The following ZNF251 variants were observed in gnomAD, a reference collection of about 807,000 sequenced individuals.
ZNF251 encodes the protein zinc finger protein 251.
Under a neutral mutation model 13.5 loss-of-function variants are expected in ZNF251, and 14 were observed. The ratio of observed to expected loss-of-function variants is 1.04; its 90% CI spans 0.69 to 1.63. ZNF251 has a LOEUF of 1.63. ZNF251 is among the 40% of genes most tolerant of loss of function. The pLI is 0.00. For synonymous variants in ZNF251, 287 were observed against 295.2 expected, an observed-to-expected ratio of 0.97 and a Z score of 0.28; for missense variants, 764 against 834.9, an observed-to-expected ratio of 0.92 and a Z score of 1.05.
chr8:144,722,174 T>A lies in ZNF251; in HGVS notation c.1486A>T (p.Lys496Ter), dbSNP rs1278558018. 5 of 1,614,188 alleles carry A rather than the reference T, an allele frequency of 3.1e-6. No individual in the cohort carries two copies. In the South Asian group the frequency reaches 5.5e-5, roughly 18 times the overall value. The change falls in exon 5 of 5, where the codon AAG becomes TAG. Residue 496 changes from lysine (K) to a stop codon, truncating the protein, a stop_gained. Coordinates refer to ENST00000292562, the MANE Select transcript of ZNF251 (RefSeq NM_138367.2). LOFTEE classifies it low-confidence loss of function (END_TRUNC). This position sits in a 1 kb window ranked among gnomAD's most constrained non-coding sequence, Gnocchi z 4.8. ...AGGGTTGACCTCCGGCTGAAGGCCT[T>A]CCCACAGTCACCACAGTCATAGGGC... ...EKPYDCGDCG[K>*]AFSRRSTLIQ...
intron 4 of ZNF251, among the ~76,000 whole-genome samples, chr8:144,726,094 G>A (rs1167800406): frequency 6.7e-6 from 1 of 149,234 alleles, no homozygotes; most frequent in Non-Finnish European, 1.5e-5. Flanking sequence ...CTACTCGGGA[G>A]TCTGAGACAG....
chr8:144,729,198 G>C (rs909104551), intron 4 of ZNF251, among the ~76,000 whole-genome samples: 13 of 151,462 alleles, frequency 8.6e-5, no homozygotes, highest in Non-Finnish European at 1.3e-4. Context: ...AAAAATACGA[G>C]TTTACTCCTA....
chr8:144,732,389 C>G (rs1261431213), intron 4 of ZNF251, among the ~76,000 whole-genome samples: 6 of 152,156 alleles, frequency 3.9e-5, no homozygotes, highest in Admixed American at 1.3e-4. Flanking sequence ...AAAGCTCTTC[C>G]AAATTTGATG....
At chr8:144,741,092 G>A (rs998309348) in intron 4 of ZNF251, among the ~76,000 whole-genome samples, 4 of 152,212 alleles carry the variant, frequency 2.6e-5, no homozygotes, top group African/African-American at 9.6e-5. Flanking sequence ...CCCAGTAGCC[G>A]GAAGGAGCCA....
At chr8:144,733,496 T>C (rs1320913836) in intron 4 of ZNF251, among the ~76,000 whole-genome samples, 2 of 152,290 alleles carry the variant, frequency 1.3e-5, no homozygotes, top group East Asian at 1.9e-4. Flanking sequence ...AACCCCTCCC[T>C]CTTGGTCCCT....
intron 4 of ZNF251, among the ~76,000 whole-genome samples, chr8:144,752,669 A>G (rs1824751892): frequency 6.6e-6 from 1 of 152,234 alleles, no homozygotes; most frequent in South Asian, 2.1e-4. Flanking sequence ...TGAATAAACT[A>G]GAAGACAAGC....
At chr8:144,732,619 T>A (rs558923102) in intron 4 of ZNF251, among the ~76,000 whole-genome samples, 2 of 151,022 alleles carry the variant, frequency 1.3e-5, no homozygotes, top group Non-Finnish European at 2.9e-5. Flanking sequence ...GAGACCATCC[T>A]GGCCAACACG....
chr8:144,741,826 T>G (rs1194304094), intron 4 of ZNF251, among the ~76,000 whole-genome samples: 1 of 152,178 alleles, frequency 6.6e-6, no homozygotes, highest in Non-Finnish European at 1.5e-5. Flanking sequence ...AAAAATATTT[T>G]AAAAATAATA....
At chr8:144,728,220 G>A (rs1162253117) in intron 4 of ZNF251, among the ~76,000 whole-genome samples, 1 of 152,138 alleles carries the variant, frequency 6.6e-6, no homozygotes, top group Non-Finnish European at 1.5e-5. Flanking sequence ...GAGAGAGGGA[G>A]GTAGGGAATG....
At chr8:144,736,075 G>A (rs977226886) in intron 4 of ZNF251, among the ~76,000 whole-genome samples, 2 of 152,200 alleles carry the variant, frequency 1.3e-5, no homozygotes, top group East Asian at 1.9e-4. Context: ...CTGGGCGGCT[G>A]TGCCCAACGC....
In ZNF251 at chr8:144,755,375, G is replaced by T. The variant is rs185744650; in HGVS notation, c.-76+30C>A. ...CCCTCCCCGCCTGCCTGCCCGCTTG[G>T]CGCTCCTTCCTGGTCCGACACTGCC... On this transcript the variant is annotated intron_variant, in intron 1 of 4. Transcript: ENST00000292562. 1.8e-3 allele frequency: 2,338 copies of T among 1,287,092 alleles called. 39 individuals carry two copies. In the African/African-American group the frequency reaches 0.031, roughly 17 times the overall value. The allele number at this position is 1,287,092 out of a possible 1,614,324, so 79.7% of individuals were successfully genotyped here.
At position 144,753,753 on chromosome 8, in the gene ZNF251, C is replaced by T. The variant is rs35571769; in HGVS notation, c.207G>A (p.Gln69=). ...GATTCAGGACCCAAAGTTCCTTCCC[C>T]TGCTCCAGCTGGGAGATCAACTCCG... The part of the protein sequence containing the change: ...PKPELISQLE[Q]GKELWVLNLL... The change falls in exon 4 of 5, where the codon CAG becomes CAA. Residue 69 remains glutamine (Q), a synonymous_variant. Transcript: ENST00000292562. The T allele has an allele frequency of 0.07, 112,090 of 1,596,426 alleles. 4,650 individuals are homozygous for T. The highest frequency in any genetic ancestry group is 0.076 in the Non-Finnish European group (88,664 of 1,170,836).
In ZNF251 at chr8:144,742,410, C is replaced by CT. The variant is rs546010882; in HGVS notation, c.277+11272dup. 1.8e-3 allele frequency among the ~76,000 whole-genome samples: 278 copies of CT among 152,004 alleles called. 1 individual carries two copies. The highest frequency in any genetic ancestry group is 5.1e-3 in the African/African-American group (212 of 41,464). ...GAAACATGAGATTTTTTTGAAAATA[C>CT]TTTATTTTTAGAGCATTTCACAGCA... On this transcript the variant is annotated intron_variant, in intron 4 of 4. Transcript: ENST00000292562.
rs746540461 is a variant in ZNF251, at chr8:144,754,785, G to A, written c.-57C>T. On this transcript the variant is annotated 5_prime_UTR_variant, in exon 2 of 5. Coordinates refer to ENST00000292562, the MANE Select transcript of ZNF251 (RefSeq NM_138367.2). ...AGAAGACAGGAGACTGCCCTGGCCT[G>A]AAGTCTCCCCGAACTTACCTTCAGT... 12 of 1,594,500 alleles carry A rather than the reference G, an allele frequency of 7.5e-6. No homozygotes were observed. The East Asian group carries it at 1.4e-4, about 18-fold the overall frequency.
chr8:144,732,152 A>G (rs1391314610), intron 4 of ZNF251, among the ~76,000 whole-genome samples: 1 of 151,898 alleles, frequency 6.6e-6, no homozygotes, highest in East Asian at 1.9e-4. Flanking sequence ...CATGTTGGCC[A>G]GGCTTGTGTC....
chr8:144,725,698 A>G (rs942576967), intron 4 of ZNF251, among the ~76,000 whole-genome samples: 5 of 152,230 alleles, frequency 3.3e-5, no homozygotes, highest in Admixed American at 2.6e-4. Context: ...TCCAGAAAAC[A>G]GAGACATGCT....
rs35171055 is a variant in ZNF251 at position 144,746,766 on chromosome 8, C to CT, written c.277+6916dup. Reference sequence around the variant, plus strand: ...CAAATTTGGGCACAGAGTTGTTCATCTTTTTTTTTTTATTACCCTTTAAAA... The same window carrying CT: ...CAAATTTGGGCACAGAGTTGTTCATCTTTTTTTTTTTTATTACCCTTTAAAA... On this transcript the variant is annotated intron_variant, in intron 4 of 4. Transcript: ENST00000292562. Among the ~76,000 whole-genome samples the CT allele has an allele frequency of 1.0e-3, 147 of 146,716 alleles. 2 individuals are homozygous for CT. Among genetic ancestry groups the CT allele is most frequent in the Admixed American group, 5.7e-3 (84 of 14,746 alleles).
intron 4 of ZNF251, among the ~76,000 whole-genome samples, chr8:144,741,081 T>A (rs1256867313): frequency 1.3e-5 from 2 of 152,204 alleles, no homozygotes; most frequent in African/African-American, 4.8e-5. Context: ...AAGGGAACAG[T>A]CCCAGTAGCC....
rs543444219 is a variant in ZNF251, at chr8:144,732,574, A to G, written c.278-9192T>C. Among the ~76,000 whole-genome samples, 514 of 152,104 alleles carry G rather than the reference A, an allele frequency of 3.4e-3. 8 individuals are homozygous for G. The highest frequency in any genetic ancestry group is 5.6e-3 in the South Asian group (27 of 4,812). On this transcript the variant is annotated intron_variant, in intron 4 of 4. Coordinates refer to ENST00000292562, the MANE Select transcript of ZNF251 (RefSeq NM_138367.2). ...ACGCCTGTAATCCCAGCACTTGGGG[A>G]GGCCAAGGCGGGGGAATCACGAGGT...
Sources: gnomAD v4.1 joint callset for allele counts (sites outside exome capture counted in the v4.1 genomes callset) on GRCh38, gnomAD v4.1.1 for gene constraint, Gnocchi (gnomAD v3.1) non-coding constraint, MANE v1.5 for transcripts, NCBI Gene and HGNC (gene_info 2026-07-23, HGNC 2026-07-21) for gene names.